AUTS2: variants seen among roughly 807,000 people sequenced by gnomAD.
AUTS2 encodes the protein activator of transcription and developmental regulator AUTS2, also known as autism susceptibility gene 2 protein.
A neutral mutation model predicts 112.4 loss-of-function variants in AUTS2; 17 were observed. That is an observed-to-expected ratio of 0.15 (90% CI 0.10 to 0.23). The LOEUF (loss-of-function observed/expected upper bound fraction) is 0.23, where lower values mean the gene tolerates loss of function less well. Ranked by LOEUF, AUTS2 falls within the 10% of genes least tolerant of loss-of-function variation. The pLI is 1.00. For missense variants in AUTS2, 1,510 were observed against 1,701.6 expected, an observed-to-expected ratio of 0.89 and a Z score of 1.98; for synonymous variants, 751 against 702.7, an observed-to-expected ratio of 1.07 and a Z score of -1.09.
intron 1 of AUTS2, among the ~76,000 whole-genome samples, chr7:69,678,502 G>T (rs549327823): frequency 3.9e-5 from 6 of 152,178 alleles, no homozygotes; most frequent in Non-Finnish European, 5.9e-5. Flanking sequence ...GTTGTGAGCG[G>T]AACAAAAATC....
At chr7:70,028,989 C>T (rs1444646744) in intron 2 of AUTS2, among the ~76,000 whole-genome samples, 2 of 152,112 alleles carry the variant, frequency 1.3e-5, no homozygotes, top group East Asian at 1.9e-4. Flanking sequence ...CTCAAAGGCT[C>T]CCTCTCTTGG....
intron 2 of AUTS2, among the ~76,000 whole-genome samples, chr7:70,009,834 C>T (rs1246627809): frequency 6.6e-6 from 1 of 152,164 alleles, no homozygotes; most frequent in Non-Finnish European, 1.5e-5. Context: ...TGGCTTAGCT[C>T]TAGTGAGACC....
intron 5 of AUTS2, among the ~76,000 whole-genome samples, chr7:70,505,365 A>G (rs902002283): frequency 1.1e-4 from 17 of 152,184 alleles, no homozygotes; most frequent in African/African-American, 3.6e-4. Context: ...TGAAGTTAAT[A>G]TGGGGAATGT....
chr7:69,781,454 C>G (rs548278163), intron 1 of AUTS2, among the ~76,000 whole-genome samples: 1 of 152,184 alleles, frequency 6.6e-6, no homozygotes, highest in Admixed American at 6.5e-5. Flanking sequence ...AGATAACACT[C>G]GGAGGCAGTG....
At chr7:70,270,496 G>A (rs1293835496) in intron 4 of AUTS2, among the ~76,000 whole-genome samples, 1 of 152,114 alleles carries the variant, frequency 6.6e-6, no homozygotes, top group Non-Finnish European at 1.5e-5. Context: ...TGAGTGGAGA[G>A]GGCAGCAATA....
intron 5 of AUTS2, among the ~76,000 whole-genome samples, chr7:70,455,685 G>GCCAA (rs1291611470): frequency 1.3e-5 from 2 of 152,128 alleles, no homozygotes; most frequent in African/African-American, 4.8e-5. Context: ...ACTTCAAGAG[G>GCCAA]CCAAGGTGGG....
intron 5 of AUTS2, among the ~76,000 whole-genome samples, chr7:70,465,319 G>A (rs2115706774): frequency 6.6e-6 from 1 of 152,266 alleles, no homozygotes; most frequent in South Asian, 2.1e-4. Context: ...GCTCACAACT[G>A]CCTGAAACCT....
chr7:70,268,318 T>C (rs1787532730), intron 4 of AUTS2, among the ~76,000 whole-genome samples: 1 of 152,184 alleles, frequency 6.6e-6, no homozygotes, highest in South Asian at 2.1e-4. Flanking sequence ...AGGTGAGCAG[T>C]TTACATTTAA....
At chr7:70,049,729 C>T (rs1801662739) in intron 2 of AUTS2, among the ~76,000 whole-genome samples, 1 of 152,030 alleles carries the variant, frequency 6.6e-6, no homozygotes, top group African/African-American at 2.4e-5. Flanking sequence ...ATAGGCCAGC[C>T]ACAGTGGTTC....
chr7:69,749,526 G>T (rs1787647471), intron 1 of AUTS2, among the ~76,000 whole-genome samples: 1 of 152,042 alleles, frequency 6.6e-6, no homozygotes, highest in Non-Finnish European at 1.5e-5. Context: ...TCATGTGATT[G>T]AAATTCTTTG....
At chr7:70,772,318 G>A (rs1198592946) in intron 11 of AUTS2, among the ~76,000 whole-genome samples, 1 of 152,200 alleles carries the variant, frequency 6.6e-6, no homozygotes, top group Admixed American at 6.5e-5. Flanking sequence ...ATCAAATTCT[G>A]TTCTACCTAG....
At chr7:70,413,779 G>A (rs912336943) in intron 4 of AUTS2, among the ~76,000 whole-genome samples, 1 of 152,092 alleles carries the variant, frequency 6.6e-6, no homozygotes, top group Non-Finnish European at 1.5e-5. Flanking sequence ...CTGAGCTCAA[G>A]CAATCCTCCT....
rs185354272 is a variant in AUTS2 at position 70,223,382 on chromosome 7, C to T, written c.660+88811C>T. ...TCAATGACTGCATATGCAACAGAGT[C>T]CCACGAGATTATAATGGAGCTGAAA... On this transcript the variant is annotated intron_variant, in intron 4 of 18. Transcript: ENST00000342771. Among the ~76,000 whole-genome samples, 12 of 152,238 alleles carry T rather than the reference C, an allele frequency of 7.9e-5. No homozygotes were observed. The East Asian group carries it at 2.3e-3, about 29-fold the overall frequency.
chr7:70,392,909 G>C (rs1414800717), intron 4 of AUTS2, among the ~76,000 whole-genome samples: 1 of 152,174 alleles, frequency 6.6e-6, no homozygotes, highest in East Asian at 1.9e-4. Flanking sequence ...ATGATGATGT[G>C]TTTTTCAAGG....
chr7:69,731,202 G>A (rs1230162146), intron 1 of AUTS2, among the ~76,000 whole-genome samples: 3 of 152,180 alleles, frequency 2.0e-5, no homozygotes, highest in Non-Finnish European at 4.4e-5. Context: ...TGAGGTAGAA[G>A]GATCGCTTGA....
In AUTS2 at chr7:69,872,834, CTTTTTTTTTTTT is replaced by C. The variant is rs1164356683; in HGVS notation, c.310-26437_310-26426del. Among the ~76,000 whole-genome samples, 15 of 70,422 alleles carry C rather than the reference CTTTTTTTTTTTT, an allele frequency of 2.1e-4. 1 individual carries two copies. The highest frequency in any genetic ancestry group is 6.9e-4 in the African/African-American group (11 of 16,056). The allele number at this position is 70,422 out of a possible 152,430, so 46.2% of individuals were successfully genotyped here. Reference sequence around the variant, plus strand: ...GGTGGCACTTGATGTAGCCTATATTCTTTTTTTTTTTTTTTTTTTTTTTTTTGAGACAGAGTC... The same window carrying C: ...GGTGGCACTTGATGTAGCCTATATTCTTTTTTTTTTTTTTGAGACAGAGTC... On this transcript the variant is annotated intron_variant, in intron 1 of 18. Coordinates refer to ENST00000342771, the MANE Select transcript of AUTS2 (RefSeq NM_015570.4).
intron 4 of AUTS2, among the ~76,000 whole-genome samples, chr7:70,267,462 G>T (rs921356607): frequency 6.6e-6 from 1 of 152,154 alleles, no homozygotes. Context: ...AAGCAATGCT[G>T]ACTCTTGTTG....
chr7:69,770,611 A>G (rs1788619885), intron 1 of AUTS2, among the ~76,000 whole-genome samples: 1 of 152,042 alleles, frequency 6.6e-6, no homozygotes, highest in Admixed American at 6.6e-5. Context: ...TGGTTATCCT[A>G]CTTCTTCTAC....
rs950857538 is a variant in AUTS2 at position 70,464,700 on chromosome 7, G to A, written c.690+28919G>A. Among the ~76,000 whole-genome samples the A allele has an allele frequency of 2.0e-5, 3 of 152,264 alleles. No individual in the cohort carries two copies. In the South Asian group the frequency reaches 6.2e-4, roughly 32 times the overall value. Reference sequence around the variant, plus strand: ...CCAGAATAAGATGCTCCAGGTAGTTGGAATGGTAATCAGCACGGTTTTGTG... The same window carrying A: ...CCAGAATAAGATGCTCCAGGTAGTTAGAATGGTAATCAGCACGGTTTTGTG... On this transcript the variant is annotated intron_variant, in intron 5 of 18. Coordinates refer to ENST00000342771, the MANE Select transcript of AUTS2 (RefSeq NM_015570.4).
Sources: gnomAD v4.1 joint callset for allele counts (sites outside exome capture counted in the v4.1 genomes callset) on GRCh38, gnomAD v4.1.1 for gene constraint, MANE v1.5 for transcripts, NCBI Gene and HGNC (gene_info 2026-07-23, HGNC 2026-07-21) for gene names.